Variants in NXPH1 observed in about 807,000 individuals in gnomAD.
The protein encoded by NXPH1 is neurexophilin 1.
A neutral mutation model predicts 23.7 loss-of-function variants in NXPH1; 5 were observed. The observed-to-expected ratio is 0.21, with a 90% CI of 0.11 to 0.44. The LOEUF (loss-of-function observed/expected upper bound fraction) is 0.44. NXPH1 is among the 20% of genes least tolerant of loss of function. The probability of loss-of-function intolerance (pLI) is 0.99; values close to 1 mark genes in which losing one functional copy is unlikely to be tolerated. For synonymous variants in NXPH1, 144 were observed against 122.2 expected (o/e 1.18, Z -1.18); for missense variants, 324 against 321.6 (o/e 1.01, Z -0.06).
At chr7:8,557,929 T>C (rs1293652890) in intron 2 of NXPH1, among the ~76,000 whole-genome samples, 1 of 151,676 alleles carries the variant, frequency 6.6e-6, no homozygotes, top group Non-Finnish European at 1.5e-5. Flanking sequence ...TCCTCCCAGT[T>C]TATCCCCAGC....
chr7:8,677,580 G>C (rs1329059287), intron 2 of NXPH1, among the ~76,000 whole-genome samples: 1 of 152,158 alleles, frequency 6.6e-6, no homozygotes, highest in African/African-American at 2.4e-5. Flanking sequence ...CAAGGTATTA[G>C]AATGTGAAGT....
intron 2 of NXPH1, among the ~76,000 whole-genome samples, chr7:8,526,464 G>T (rs561486453): frequency 1.3e-5 from 2 of 152,234 alleles, no homozygotes; most frequent in Admixed American, 6.5e-5. Context: ...AGGCATGATT[G>T]GTTTTGAAAT....
chr7:8,539,611 A>G (rs1038239324), intron 2 of NXPH1, among the ~76,000 whole-genome samples: 1 of 151,838 alleles, frequency 6.6e-6, no homozygotes. Context: ...TTTATAAAAT[A>G]CCGTATTGGA....
At position 8,724,886 on chromosome 7, in the gene NXPH1, T is replaced by C. The variant is rs377003228; in HGVS notation, c.55-26122T>C. ...CTTCAGTATGAGATTTCACACACCA[T>C]GCTTTAAGAACCTGGGAATTGAGGA... On this transcript the variant is annotated intron_variant, in intron 2 of 2. Transcript: ENST00000405863. Among the ~76,000 whole-genome samples, 3 of 152,336 alleles carry C rather than the reference T, an allele frequency of 2.0e-5. 1 individual carries two copies. Among genetic ancestry groups the C allele is most frequent in the South Asian group, 4.1e-4 (2 of 4,822 alleles).
At chr7:8,672,970 C>T (rs1820894295) in intron 2 of NXPH1, among the ~76,000 whole-genome samples, 1 of 152,124 alleles carries the variant, frequency 6.6e-6, no homozygotes, top group Non-Finnish European at 1.5e-5. Context: ...TGCTTTATTA[C>T]TTACCATCAA....
intron 2 of NXPH1, among the ~76,000 whole-genome samples, chr7:8,705,840 A>C (rs1371390470): frequency 6.6e-6 from 1 of 152,150 alleles, no homozygotes; most frequent in East Asian, 1.9e-4. Context: ...TTCAGTCCTC[A>C]AAGATTATGG....
At chr7:8,590,937 A>T (rs10273195) in intron 2 of NXPH1, among the ~76,000 whole-genome samples, 43,387 of 151,928 alleles carry the variant, frequency 0.29, 7,070 homozygotes, top group African/African-American at 0.44. Flanking sequence ...CGGCTTTCTG[A>T]GGCTATTAGG....
chr7:8,501,485 A>G (rs767619424), intron 2 of NXPH1, among the ~76,000 whole-genome samples: 1 of 152,092 alleles, frequency 6.6e-6, no homozygotes, highest in Non-Finnish European at 1.5e-5. Context: ...TTATGAACAG[A>G]ATTATGTAAA....
chr7:8,456,697 A>C (rs1432045436), intron 2 of NXPH1, among the ~76,000 whole-genome samples: 1 of 152,190 alleles, frequency 6.6e-6, no homozygotes, highest in Non-Finnish European at 1.5e-5. Flanking sequence ...TCTATTATCC[A>C]TAACTTTTTA....
In NXPH1 at chr7:8,569,382, TAATC is replaced by T. The variant is rs573685525; in HGVS notation, c.54+133618_54+133621del. Among the ~76,000 whole-genome samples, 34 of 152,022 alleles carry T rather than the reference TAATC, an allele frequency of 2.2e-4. No individual in the cohort carries two copies. In the South Asian group the frequency reaches 6.0e-3, roughly 27 times the overall value. ...TGACTATAAAAGAATATTTTTGAGA[TAATC>T]AAGGAAAAATAGACAAGTATTAGAT... On this transcript the variant is annotated intron_variant, in intron 2 of 2. Coordinates refer to ENST00000405863, the MANE Select transcript of NXPH1 (RefSeq NM_152745.3).
At chr7:8,749,017 G>C (rs888977394) in intron 2 of NXPH1, among the ~76,000 whole-genome samples, 1 of 152,128 alleles carries the variant, frequency 6.6e-6, no homozygotes, top group Non-Finnish European at 1.5e-5. Context: ...GATGACGAAG[G>C]TTCTCTGCAT....
intron 2 of NXPH1, among the ~76,000 whole-genome samples, chr7:8,736,819 G>A (rs1347360483): frequency 6.6e-6 from 1 of 152,130 alleles, no homozygotes; most frequent in African/African-American, 2.4e-5. Context: ...CCTATATTGG[G>A]TGCATATATA....
chr7:8,511,561 T>C (rs1418438394), intron 2 of NXPH1, among the ~76,000 whole-genome samples: 1 of 152,096 alleles, frequency 6.6e-6, no homozygotes. Flanking sequence ...GGAGTGGAGA[T>C]GAACAGCCTA....
chr7:8,611,182 A>G (rs576908505), intron 2 of NXPH1, among the ~76,000 whole-genome samples: 70 of 152,284 alleles, frequency 4.6e-4, no homozygotes, highest in Non-Finnish European at 9.0e-4. Context: ...ATTATGATAC[A>G]TGCCATGATC....
intron 2 of NXPH1, among the ~76,000 whole-genome samples, chr7:8,715,974 T>C (rs1337531017): frequency 1.3e-5 from 2 of 152,188 alleles, no homozygotes; most frequent in Non-Finnish European, 2.9e-5. Flanking sequence ...TCAATGCATA[T>C]ATATGAATAT....
At chr7:8,655,127 G>C (rs914075406) in intron 2 of NXPH1, among the ~76,000 whole-genome samples, 6 of 152,138 alleles carry the variant, frequency 3.9e-5, no homozygotes, top group Non-Finnish European at 8.8e-5. Context: ...GCTTATGTCT[G>C]TAAACCTAGC....
chr7:8,617,795 A>G (rs1471602350), intron 2 of NXPH1, among the ~76,000 whole-genome samples: 1 of 152,160 alleles, frequency 6.6e-6, no homozygotes, highest in Non-Finnish European at 1.5e-5. Context: ...CTTAAAGAGT[A>G]TAATGGGATT....
At chr7:8,564,137 C>T (rs1464751589) in intron 2 of NXPH1, among the ~76,000 whole-genome samples, 1 of 151,770 alleles carries the variant, frequency 6.6e-6, no homozygotes, top group Non-Finnish European at 1.5e-5. Flanking sequence ...TCTGCTCACT[C>T]CTTGGGCAGA....
At chr7:8,727,308 G>A (rs1258952072) in intron 2 of NXPH1, among the ~76,000 whole-genome samples, 2 of 134,300 alleles carry the variant, frequency 1.5e-5, no homozygotes, top group African/African-American at 3.1e-5. Context: ...TCTGATGGTA[G>A]TTTCTTTTGC....
Sources: allele counts gnomAD v4.1 joint callset (sites outside exome capture counted in the v4.1 genomes callset), GRCh38; gene constraint gnomAD v4.1.1; transcripts MANE v1.5; gene names NCBI Gene and HGNC (gene_info 2026-07-23, HGNC 2026-07-21).